The following DENND1B variants were observed in gnomAD, a reference collection of about 807,000 sequenced individuals.
The protein encoded by DENND1B is DENN domain-containing protein 1B.
In DENND1B, 59 loss-of-function variants were observed where a neutral mutation model predicts 90.1. The observed-to-expected ratio is 0.65, with a 90% CI of 0.53 to 0.81. DENND1B has a LOEUF of 0.81. Ranked by LOEUF, DENND1B falls within the 40% of genes least tolerant of loss-of-function variation. The probability of loss-of-function intolerance (pLI) is 0.00; values close to 1 mark genes in which losing one functional copy is unlikely to be tolerated. For synonymous variants in DENND1B, 337 were observed against 324.6 expected (o/e 1.04, Z -0.41); for missense variants, 862 against 912.6 (o/e 0.94, Z 0.71).
chr1:197,560,830 G>A (rs1237120763), intron 15 of DENND1B, among the ~76,000 whole-genome samples: 1 of 151,800 alleles, frequency 6.6e-6, no homozygotes, highest in East Asian at 1.9e-4. Flanking sequence ...CTCCTTAAAT[G>A]TTTAACGACC....
chr1:197,550,298 T>C (rs878948448), intron 16 of DENND1B, among the ~76,000 whole-genome samples: 4 of 152,086 alleles, frequency 2.6e-5, no homozygotes, highest in Admixed American at 2.0e-4. Flanking sequence ...AAATCTACTA[T>C]AAAAAACAGT....
chr1:197,772,807 ATG>A (rs1212910413), intron 2 of DENND1B, 59 bp downstream of exon 2: 3 of 1,413,238 alleles, frequency 2.1e-6, no homozygotes, highest in East Asian at 2.5e-5. Context: ...GAGGAACAGA[ATG>A]AGATCTTGTC....
At chr1:197,538,882 A>C (rs987055853) in intron 20 of DENND1B, among the ~76,000 whole-genome samples, 1 of 151,988 alleles carries the variant, frequency 6.6e-6, no homozygotes, top group African/African-American at 2.4e-5. Flanking sequence ...CTGTTATAAA[A>C]GGGTGAGTTT....
chr1:197,625,753 C>T (rs1311417008), intron 10 of DENND1B, among the ~76,000 whole-genome samples: 3 of 152,234 alleles, frequency 2.0e-5, no homozygotes, highest in African/African-American at 4.8e-5. Flanking sequence ...CATCAGTGTG[C>T]TGTATTCAGG....
chr1:197,641,645 G>A (rs568066903), intron 10 of DENND1B, among the ~76,000 whole-genome samples: 20 of 152,090 alleles, frequency 1.3e-4, no homozygotes, highest in African/African-American at 4.8e-4. Context: ...ACAATTGTAT[G>A]TATTTTTTTC....
intron 2 of DENND1B, among the ~76,000 whole-genome samples, chr1:197,755,129 A>G (rs905366956): frequency 7.9e-5 from 12 of 152,214 alleles, no homozygotes; most frequent in Admixed American, 3.3e-4. Context: ...TCAAGTTACT[A>G]TACTTATCTG....
At chr1:197,648,653 T>C (rs966969885) in intron 7 of DENND1B, among the ~76,000 whole-genome samples, 1 of 152,196 alleles carries the variant, frequency 6.6e-6, no homozygotes, top group Non-Finnish European at 1.5e-5. Context: ...CTCTTCTTTA[T>C]TCTCCTTGAC....
intron 2 of DENND1B, among the ~76,000 whole-genome samples, chr1:197,754,729 A>C (rs1341527521): frequency 6.6e-6 from 1 of 151,198 alleles, no homozygotes; most frequent in Non-Finnish European, 1.5e-5. Context: ...GAAGATGTTC[A>C]TAACAAATTA....
chr1:197,774,632 A>T (rs1657035907), intron 1 of DENND1B: 1 of 152,628 alleles, frequency 6.6e-6, no homozygotes, highest in Non-Finnish European at 1.5e-5. Flanking sequence ...TTATAAGCAG[A>T]ATCATAAGAA....
intron 10 of DENND1B, among the ~76,000 whole-genome samples, chr1:197,639,399 A>C (rs1381277289): frequency 6.6e-6 from 1 of 152,120 alleles, no homozygotes; most frequent in Non-Finnish European, 1.5e-5. Flanking sequence ...CAGCACCTAA[A>C]GAAAAGGAAC....
chr1:197,665,107 CA>C (rs776855581), intron 5 of DENND1B, among the ~76,000 whole-genome samples: 1 of 151,924 alleles, frequency 6.6e-6, no homozygotes, highest in East Asian at 1.9e-4. Context: ...ATAGAAAGAA[CA>C]AAAGAACAGA....
At chr1:197,647,921 T>C (rs912558661) in intron 7 of DENND1B, among the ~76,000 whole-genome samples, 2 of 140,892 alleles carry the variant, frequency 1.4e-5, no homozygotes, top group Non-Finnish European at 3.0e-5. Context: ...TTTTCCAACC[T>C]GGGCAACAAG....
intron 15 of DENND1B, among the ~76,000 whole-genome samples, chr1:197,565,254 A>G (rs1558246884): frequency 6.6e-6 from 1 of 152,040 alleles, no homozygotes; most frequent in Non-Finnish European, 1.5e-5. Context: ...TGTAGCTAAC[A>G]TAAAAGGAAA....
chr1:197,757,277 T>A (rs1307467521), intron 2 of DENND1B: 2 of 152,176 alleles, frequency 1.3e-5, no homozygotes, highest in Non-Finnish European at 2.9e-5. Context: ...AACTCCAATC[T>A]AACTCTAGAG....
At chr1:197,673,706 G>T (rs1655760652) in intron 4 of DENND1B, among the ~76,000 whole-genome samples, 1 of 152,100 alleles carries the variant, frequency 6.6e-6, no homozygotes, top group African/African-American at 2.4e-5. Context: ...AAGTAGCCAT[G>T]AGTTTTACAG....
At chr1:197,626,214 T>C (rs12025926) in intron 10 of DENND1B, among the ~76,000 whole-genome samples, 1 of 152,036 alleles carries the variant, frequency 6.6e-6, no homozygotes, top group African/African-American at 2.4e-5. Flanking sequence ...ATCAACAGAA[T>C]ATACATTTTT....
At chr1:197,587,338 T>C (rs191320828) in intron 14 of DENND1B, among the ~76,000 whole-genome samples, 57 of 152,220 alleles carry the variant, frequency 3.7e-4, no homozygotes, top group Admixed American at 3.1e-3. Context: ...AATCTCTTCA[T>C]GAGATAATTC....
chr1:197,668,054 ATG>A (rs1313705185), intron 5 of DENND1B, among the ~76,000 whole-genome samples: 1 of 152,172 alleles, frequency 6.6e-6, no homozygotes, highest in Admixed American at 6.5e-5. Context: ...ACAAATATTT[ATG>A]TGTTAGCTAT....
chr1:197,628,955 T>G (rs1409183322), intron 10 of DENND1B, among the ~76,000 whole-genome samples: 1 of 151,884 alleles, frequency 6.6e-6, no homozygotes, highest in Non-Finnish European at 1.5e-5. Flanking sequence ...ATCAGAGAAA[T>G]GCAAATAAAA....
Sources: allele counts gnomAD v4.1 joint callset (sites outside exome capture counted in the v4.1 genomes callset), GRCh38; gene constraint gnomAD v4.1.1; transcripts MANE v1.5; gene names NCBI Gene and HGNC (gene_info 2026-07-23, HGNC 2026-07-21).